The following SPTBN1 variants were observed in gnomAD, a reference collection of about 807,000 sequenced individuals.
SPTBN1 encodes spectrin beta, non-erythrocytic 1.
SPTBN1 carries 32 observed loss-of-function variants against 266.4 expected under a neutral mutation model. The observed-to-expected ratio is 0.12, with a 90% confidence interval of 0.09 to 0.16. The LOEUF (loss-of-function observed/expected upper bound fraction) is 0.16. Among genes scored for constraint, SPTBN1 ranks in the 10% least tolerant of loss-of-function variants. The pLI is 1.00. For synonymous variants in SPTBN1, 1,336 were observed against 1,162.2 expected, an observed-to-expected ratio of 1.15 and a Z score of -3.04; for missense variants, 2,296 against 3,067.1, an observed-to-expected ratio of 0.75 and a Z score of 5.94.
rs1335356747 is a variant in SPTBN1 at position 54,649,484 on chromosome 2, T to C, written c.5203-131T>C. ...AAGAGGTTCTCGAGCTAAGATCTAT[T>C]GTTCTGAAGTCATGAGTATTATTGG... On this transcript the variant is annotated intron_variant, in intron 25 of 35. Coordinates refer to ENST00000356805, the MANE Select transcript of SPTBN1 (RefSeq NM_003128.3). This position sits in a 1 kb window ranked among gnomAD's most constrained non-coding sequence, Gnocchi z 6.7. The C allele has an allele frequency of 1.5e-6, 2 of 1,374,334 alleles. No homozygotes were observed. Among genetic ancestry groups the C allele is most frequent in the Non-Finnish European group, 1.9e-6 (2 of 1,028,410 alleles). The allele number at this position is 1,374,334 out of a possible 1,614,324, so 85.1% of individuals were successfully genotyped here. A position where few individuals can be genotyped will look rare whatever the true frequency, so the allele number is the denominator to read the frequency against.
At chr2:54,490,501 G>T (rs1345958718) in intron 1 of SPTBN1, among the ~76,000 whole-genome samples, 1 of 152,170 alleles carries the variant, frequency 6.6e-6, no homozygotes, top group African/African-American at 2.4e-5. Context: ...GAACAATCTT[G>T]AAATCACTGA....
intron 1 of SPTBN1, among the ~76,000 whole-genome samples, chr2:54,457,912 G>A (rs1219409543): frequency 2.0e-5 from 3 of 152,270 alleles, no homozygotes; most frequent in Non-Finnish European, 4.4e-5. Context: ...GCAGAGGGGA[G>A]CCGGCCTGTG....
At chr2:54,470,393 C>T (rs1693859852) in intron 1 of SPTBN1, among the ~76,000 whole-genome samples, 1 of 152,186 alleles carries the variant, frequency 6.6e-6, no homozygotes, top group Admixed American at 6.5e-5. Flanking sequence ...TTTAGTGAGT[C>T]ATACTTGAGA....
At chr2:54,469,488 A>C (rs1693809503) in intron 1 of SPTBN1, among the ~76,000 whole-genome samples, 2 of 152,194 alleles carry the variant, frequency 1.3e-5, no homozygotes, top group Admixed American at 1.3e-4. Context: ...GAAACTCCTA[A>C]CCTGATGGGA....
chr2:54,618,444 A>C (rs1401259818), intron 7 of SPTBN1, among the ~76,000 whole-genome samples: 1 of 152,252 alleles, frequency 6.6e-6, no homozygotes, highest in East Asian at 1.9e-4. Context: ...GCAAAGGTGC[A>C]GAACCAGGAA....
intron 2 of SPTBN1, among the ~76,000 whole-genome samples, chr2:54,594,835 T>TTTC (rs1675953088): frequency 7.3e-6 from 1 of 137,876 alleles, no homozygotes; most frequent in Admixed American, 7.0e-5. Context: ...GTAAGTTTCT[T>TTTC]TTTTTTTTTT....
At chr2:54,634,592 C>T (rs1482205578) in intron 17 of SPTBN1, among the ~76,000 whole-genome samples, 1 of 152,188 alleles carries the variant, frequency 6.6e-6, no homozygotes, top group Non-Finnish European at 1.5e-5. Context: ...TTGAAACTGA[C>T]CCTAGAGGGT....
rs1308083143 is a variant in SPTBN1 at position 54,485,724 on chromosome 2, G to A, written c.-48+29206G>A. On this transcript the variant is annotated intron_variant, in intron 1 of 35. Transcript: ENST00000356805. ...AAGTGAGGAGCGTCTCTGCCCGGCCGCCATCCCATCTAGGAAGTGAGGAGC... is the reference window on the plus strand; with the variant it reads ...AAGTGAGGAGCGTCTCTGCCCGGCCACCATCCCATCTAGGAAGTGAGGAGC... Among the ~76,000 whole-genome samples, 20 of 151,286 alleles carry A rather than the reference G, an allele frequency of 1.3e-4. No homozygotes were observed. The East Asian group carries it at 3.8e-3, about 28-fold the overall frequency.
intron 1 of SPTBN1, among the ~76,000 whole-genome samples, chr2:54,492,748 T>C (rs1668757870): frequency 6.6e-6 from 1 of 152,246 alleles, no homozygotes; most frequent in Non-Finnish European, 1.5e-5. Flanking sequence ...TGTAATTGAC[T>C]ACTGAGTGGA....
intron 1 of SPTBN1, among the ~76,000 whole-genome samples, chr2:54,493,389 T>C (rs1004259064): frequency 8.0e-5 from 12 of 150,682 alleles, no homozygotes; most frequent in African/African-American, 2.9e-4. Flanking sequence ...TTCTATAAAT[T>C]GTGTGTTTTG....
At chr2:54,468,844 A>G (rs1197302318) in intron 1 of SPTBN1, among the ~76,000 whole-genome samples, 1 of 152,110 alleles carries the variant, frequency 6.6e-6, no homozygotes, top group African/African-American at 2.4e-5. Flanking sequence ...ACAACATCTG[A>G]TTTTACTTTT....
At chr2:54,571,051 G>A (rs1310934639) in intron 2 of SPTBN1, among the ~76,000 whole-genome samples, 2 of 152,144 alleles carry the variant, frequency 1.3e-5, no homozygotes, top group Admixed American at 6.6e-5. Flanking sequence ...CAATGACAGA[G>A]AGATTACACA....
chr2:54,599,153 T>C lies in SPTBN1; in HGVS notation c.210T>C (p.Arg70=). Residue 70 remains arginine, a synonymous_variant, in exon 3 of 36, where the codon CGT becomes CGC. Transcript: ENST00000356805. Reference sequence around the variant, plus strand: ...AGTGGGTCAATTCCCACCTTGCCCGTGTGTCCTGCCGGATCACAGACCTGT... The same window carrying C: ...AGTGGGTCAATTCCCACCTTGCCCGCGTGTCCTGCCGGATCACAGACCTGT... ...FTKWVNSHLA[R]VSCRITDLYT... is the part of the protein sequence containing the mutation. 1 of 1,614,198 alleles carries C rather than the reference T, an allele frequency of 6.2e-7. No homozygotes were observed. The highest frequency in any genetic ancestry group is 8.5e-7 in the Non-Finnish European group (1 of 1,180,034).
chr2:54,643,991 TAATAA>T (rs1679753411), intron 19 of SPTBN1, among the ~76,000 whole-genome samples: 1 of 150,916 alleles, frequency 6.6e-6, no homozygotes, highest in Non-Finnish European at 1.5e-5. Flanking sequence ...ACAATAATAA[TAATAA>T]TAATAATAAT....
chr2:54,493,418 G>GGGGGGGT (rs1489893906), intron 1 of SPTBN1, among the ~76,000 whole-genome samples: 1 of 146,242 alleles, frequency 6.8e-6, no homozygotes, highest in Non-Finnish European at 1.5e-5. Context: ...TTTTTGGGGG[G>GGGGGGGT]TTGGGGGAGA....
rs75348965 is a variant in SPTBN1 at position 54,479,390 on chromosome 2, A to G, written c.-48+22872A>G. On this transcript the variant is annotated intron_variant, in intron 1 of 35. Coordinates refer to ENST00000356805, the MANE Select transcript of SPTBN1 (RefSeq NM_003128.3). Reference sequence around the variant, plus strand: ...CTGTGGAAGGTAGGACTTGGGAGGGAGTATTTTACAGTGGTTAGGTTCTGT... The same window carrying G: ...CTGTGGAAGGTAGGACTTGGGAGGGGGTATTTTACAGTGGTTAGGTTCTGT... 6.0e-3 allele frequency among the ~76,000 whole-genome samples: 913 copies of G among 152,244 alleles called. 15 individuals are homozygous for G. Among genetic ancestry groups the G allele is most frequent in the African/African-American group, 0.021 (864 of 41,544 alleles).
intron 1 of SPTBN1, among the ~76,000 whole-genome samples, chr2:54,495,820 T>G (rs1668941281): frequency 6.6e-6 from 1 of 152,198 alleles, no homozygotes; most frequent in African/African-American, 2.4e-5. Context: ...TTTTTTTGGT[T>G]GTATAATTTT....
chr2:54,507,844 T>A (rs1669656404), intron 1 of SPTBN1, among the ~76,000 whole-genome samples: 1 of 151,770 alleles, frequency 6.6e-6, no homozygotes, highest in Non-Finnish European at 1.5e-5. Flanking sequence ...TTTGTGATTT[T>A]GGAAGAAAGA....
At chr2:54,630,082 G>A in intron 15 of SPTBN1, 53 bp downstream of exon 15, 2 of 1,585,518 alleles carry the variant, frequency 1.3e-6, no homozygotes, top group Non-Finnish European at 1.7e-6. Flanking sequence ...ACTGGGGAGG[G>A]TGAGGTCACT....
Sources: allele counts gnomAD v4.1 joint callset (sites outside exome capture counted in the v4.1 genomes callset), GRCh38; gene constraint gnomAD v4.1.1; non-coding constraint Gnocchi (gnomAD v3.1); transcripts MANE v1.5; gene names NCBI Gene and HGNC (gene_info 2026-07-23, HGNC 2026-07-21).